The following NCALD variants were observed in gnomAD, a reference collection of about 807,000 sequenced individuals.
The protein encoded by NCALD is neurocalcin-delta.
NCALD carries 10 observed loss-of-function variants against 18.6 expected under a neutral mutation model. The ratio of observed to expected loss-of-function variants is 0.54; its 90% CI spans 0.33 to 0.91. The LOEUF (loss-of-function observed/expected upper bound fraction) is 0.91. Ranked by LOEUF, NCALD falls within the 40% of genes least tolerant of loss-of-function variation. The pLI, the probability that NCALD is intolerant of heterozygous loss-of-function variation, is 0.03. For synonymous variants in NCALD, 88 were observed against 87.4 expected, an observed-to-expected ratio of 1.01 and a Z score of -0.04; for missense variants, 184 against 247.6, an observed-to-expected ratio of 0.74 and a Z score of 1.72.
chr8:101,955,511 T>C (rs1194643418), intron 2 of NCALD, among the ~76,000 whole-genome samples: 1 of 152,160 alleles, frequency 6.6e-6, no homozygotes. Context: ...ACCCATTTGC[T>C]CATTTTGCAA....
chr8:102,101,266 G>A lies in NCALD; in HGVS notation c.-210+22971C>T, dbSNP rs537966986. On this transcript the variant is annotated intron_variant, in intron 1 of 6. Coordinates refer to the NCALD transcript ENST00000311028. ...GGAACTGGACCCAGTATTATATGTG[G>A]ATATTATGATTTTTCAGGAGAAGCC... 1.3e-4 allele frequency among the ~76,000 whole-genome samples: 20 copies of A among 152,264 alleles called. No individual in the cohort carries two copies. In the South Asian group the frequency reaches 3.9e-3, roughly 30 times the overall value.
At chr8:101,751,135 C>T (rs1022410713) in intron 1 of NCALD, among the ~76,000 whole-genome samples, 2 of 152,144 alleles carry the variant, frequency 1.3e-5, no homozygotes, top group African/African-American at 4.8e-5. Flanking sequence ...GCGGCAGATA[C>T]ATACAATGGA....
At chr8:101,962,559 T>C (rs1416398796) in intron 2 of NCALD, among the ~76,000 whole-genome samples, 1 of 152,186 alleles carries the variant, frequency 6.6e-6, no homozygotes, top group African/African-American at 2.4e-5. Flanking sequence ...ATCCTTGCTA[T>C]TCAAAGTCCC....
intron 1 of NCALD, among the ~76,000 whole-genome samples, chr8:102,031,882 C>G (rs1417186106): frequency 6.6e-6 from 1 of 152,082 alleles, no homozygotes; most frequent in Non-Finnish European, 1.5e-5. Flanking sequence ...GTTCATTTCC[C>G]CATGTACAAA....
intron 2 of NCALD, among the ~76,000 whole-genome samples, chr8:101,922,671 A>G (rs1387375116): frequency 1.3e-5 from 2 of 152,318 alleles, no homozygotes; most frequent in East Asian, 3.9e-4. Flanking sequence ...CTCCAGTACA[A>G]TACAGTTGTG....
intron 2 of NCALD, among the ~76,000 whole-genome samples, chr8:101,923,585 A>G (rs1818239621): frequency 6.6e-6 from 1 of 152,226 alleles, no homozygotes; most frequent in South Asian, 2.1e-4. Flanking sequence ...TTATGAAAAA[A>G]CAAATAAATG....
chr8:101,969,111 G>A (rs1480488742), intron 2 of NCALD, among the ~76,000 whole-genome samples: 1 of 152,146 alleles, frequency 6.6e-6, no homozygotes, highest in Admixed American at 6.5e-5. Context: ...GGGCTGAGCC[G>A]AGCACACCAC....
At chr8:101,717,577 C>T (rs2130418191) in intron 2 of NCALD, among the ~76,000 whole-genome samples, 1 of 152,208 alleles carries the variant, frequency 6.6e-6, no homozygotes, top group Middle Eastern at 3.4e-3. Flanking sequence ...ACAGCTTGCC[C>T]CCAACTCATC....
At chr8:101,979,828 TCATTCTGGCAACTAACCGA>T (rs1461392009) in intron 2 of NCALD, among the ~76,000 whole-genome samples, 5 of 152,302 alleles carry the variant, frequency 3.3e-5, no homozygotes, top group African/African-American at 9.6e-5. Context: ...CAAGCCTCGG[TCATTCTGGCAACTAACCGA>T]CTTTCCCAGC....
intron 1 of NCALD, among the ~76,000 whole-genome samples, chr8:102,114,178 T>C (rs1825716326): frequency 6.6e-6 from 1 of 152,200 alleles, no homozygotes; most frequent in African/African-American, 2.4e-5. Context: ...GGCCAGAGAA[T>C]TCAAATGTCT....
At chr8:102,105,221 A>G (rs1170618533) in intron 1 of NCALD, among the ~76,000 whole-genome samples, 1 of 152,226 alleles carries the variant, frequency 6.6e-6, no homozygotes, top group African/African-American at 2.4e-5. Context: ...GTATAGCTAT[A>G]GATACATACA....
intron 1 of NCALD, among the ~76,000 whole-genome samples, chr8:101,773,962 G>C (rs556900072): frequency 6.6e-6 from 1 of 152,230 alleles, no homozygotes; most frequent in South Asian, 2.1e-4. Flanking sequence ...TTAAACGTAG[G>C]TAATGAAAAA....
chr8:101,737,851 G>A (rs751838443), intron 1 of NCALD, among the ~76,000 whole-genome samples: 5 of 152,146 alleles, frequency 3.3e-5, no homozygotes, highest in Non-Finnish European at 5.9e-5. Context: ...AAGAAACGAT[G>A]GCTCCATTCT....
chr8:101,827,321 C>T (rs1378189882), intron 4 of NCALD, among the ~76,000 whole-genome samples: 2 of 152,194 alleles, frequency 1.3e-5, no homozygotes, highest in Non-Finnish European at 2.9e-5. Context: ...CTCTCCATCT[C>T]AAGATCCTTA....
At chr8:102,115,656 G>A (rs1225162934) in intron 1 of NCALD, among the ~76,000 whole-genome samples, 1 of 152,214 alleles carries the variant, frequency 6.6e-6, no homozygotes, top group Non-Finnish European at 1.5e-5. Flanking sequence ...AAGACGTGCG[G>A]ATGGGTCAAT....
intron 2 of NCALD, among the ~76,000 whole-genome samples, chr8:102,008,134 A>G (rs903524196): frequency 6.6e-6 from 1 of 152,206 alleles, no homozygotes; most frequent in Non-Finnish European, 1.5e-5. Flanking sequence ...GTTTCTTAGC[A>G]ATGTTAATCG....
At chr8:101,720,900 G>A (rs956274880) in intron 1 of NCALD, among the ~76,000 whole-genome samples, 3 of 152,144 alleles carry the variant, frequency 2.0e-5, no homozygotes, top group Admixed American at 6.5e-5. Flanking sequence ...TTTCCCTAAG[G>A]GCACCTAGCT....
At chr8:101,816,690 G>A (rs1813510257) in intron 4 of NCALD, among the ~76,000 whole-genome samples, 1 of 152,102 alleles carries the variant, frequency 6.6e-6, no homozygotes, top group African/African-American at 2.4e-5. Context: ...AGAAGCAGAG[G>A]TAAAATGTCC....
intron 2 of NCALD, among the ~76,000 whole-genome samples, chr8:102,012,160 GT>G (rs35025490): frequency 0.61 from 92,079 of 151,990 alleles, 29,710 homozygotes; most frequent in African/African-American, 0.82. Context: ...GGTCTCAGCT[GT>G]TGTGGGGACA....
Sources: gnomAD v4.1 joint callset for allele counts (sites outside exome capture counted in the v4.1 genomes callset) on GRCh38, gnomAD v4.1.1 for gene constraint, MANE v1.5 for transcripts, NCBI Gene and HGNC (gene_info 2026-07-23, HGNC 2026-07-21) for gene names.